MITF: variants seen among roughly 807,000 people sequenced by gnomAD.
MITF encodes melanocyte inducing transcription factor, also known as microphthalmia-associated transcription factor.
In MITF, 17 loss-of-function variants were observed where a neutral mutation model predicts 60.5. That is an observed-to-expected ratio of 0.28 (90% CI 0.19 to 0.42). MITF has a LOEUF of 0.42. Ranked by LOEUF, MITF falls within the 10% of genes least tolerant of loss-of-function variation. The pLI is 1.00. For missense variants in MITF, 622 were observed against 683.5 expected, an observed-to-expected ratio of 0.91 and a Z score of 1.00; for synonymous variants, 260 against 248.5, an observed-to-expected ratio of 1.05 and a Z score of -0.43.
intron 1 of MITF, among the ~76,000 whole-genome samples, chr3:69,780,945 A>G (rs2062553255): frequency 1.3e-5 from 2 of 152,190 alleles, no homozygotes; most frequent in South Asian, 4.1e-4. Flanking sequence ...GAGACAACCT[A>G]CCACTGAAAT....
At chr3:69,814,681 TGTA>T (rs1183749441) in intron 1 of MITF, among the ~76,000 whole-genome samples, 3 of 152,102 alleles carry the variant, frequency 2.0e-5, no homozygotes, top group African/African-American at 7.2e-5. Context: ...TGTCTGTGTG[TGTA>T]GTCTGAAATT....
At chr3:69,769,518 G>T (rs550608470) in intron 1 of MITF, 6 of 151,590 alleles carry the variant, frequency 4.0e-5, no homozygotes, top group African/African-American at 1.5e-4. Context: ...TGCCCAGGCT[G>T]GAGTACAGTG....
At chr3:69,801,390 C>T (rs1422345337) in intron 1 of MITF, among the ~76,000 whole-genome samples, 5 of 152,158 alleles carry the variant, frequency 3.3e-5, no homozygotes, top group African/African-American at 4.8e-5. Context: ...TCATTGTAAA[C>T]TGTGACAATG....
chr3:69,848,140 C>A (rs1201565752), intron 1 of MITF, among the ~76,000 whole-genome samples: 2 of 152,224 alleles, frequency 1.3e-5, no homozygotes, highest in African/African-American at 4.8e-5. Flanking sequence ...TTTATAACAG[C>A]AGTCTGTTGG....
Position 69,865,022 on chromosome 3 carries a change from A to G in MITF, c.105-14112A>G, listed in dbSNP as rs530584980. On this transcript the variant is annotated intron_variant, in intron 1 of 9. Transcript: ENST00000352241. ...TAATATGTGTTTCCCATTAGACTGTAAACTCCACGAATTTACACAATGCCT... is the reference window on the plus strand; with the variant it reads ...TAATATGTGTTTCCCATTAGACTGTGAACTCCACGAATTTACACAATGCCT... Among the ~76,000 whole-genome samples the G allele has an allele frequency of 2.8e-4, 43 of 152,286 alleles. 1 individual carries two copies. The South Asian group carries it at 8.3e-3, about 29-fold the overall frequency.
chr3:69,944,659 G>A (rs776998687), intron 5 of MITF, among the ~76,000 whole-genome samples: 7 of 152,026 alleles, frequency 4.6e-5, no homozygotes, highest in Non-Finnish European at 8.8e-5. Context: ...TACTCTTGAC[G>A]GAGTGATTCA....
chr3:69,815,739 A>G (rs1027331276), intron 1 of MITF, among the ~76,000 whole-genome samples: 1 of 152,166 alleles, frequency 6.6e-6, no homozygotes, highest in Non-Finnish European at 1.5e-5. Flanking sequence ...CCTAACCCCT[A>G]CATTGTTCAA....
In MITF at chr3:69,951,922, A is replaced by G. The variant is rs1298732176; in HGVS notation, c.955+36A>G. On this transcript the variant is annotated intron_variant, in intron 7 of 9. Transcript: ENST00000352241. ...TTTATTTATGTTCATGACATTTGAT[A>G]TTAATGTTCCCCATATATCAAAAAT... 2.8e-6 allele frequency: 4 copies of G among 1,450,308 alleles called. No individual in the cohort carries two copies. The South Asian group carries it at 4.6e-5, about 17-fold the overall frequency. The allele number at this position is 1,450,308 out of a possible 1,614,324, so 89.8% of individuals were successfully genotyped here. A position where few individuals can be genotyped will look rare whatever the true frequency, so the allele number is the denominator to read the frequency against.
At chr3:69,794,624 T>A (rs1311322772) in intron 1 of MITF, among the ~76,000 whole-genome samples, 1 of 152,192 alleles carries the variant, frequency 6.6e-6, no homozygotes, top group East Asian at 1.9e-4. Context: ...ATTAAAAAAA[T>A]AGCAGTGTCA....
intron 2 of MITF, among the ~76,000 whole-genome samples, chr3:69,919,477 A>G (rs1172146273): frequency 1.3e-5 from 2 of 152,216 alleles, no homozygotes; most frequent in Non-Finnish European, 2.9e-5. Flanking sequence ...CCATTGAAGC[A>G]TTAGGATTAA....
chr3:69,949,054 C>A lies in MITF; in HGVS notation c.766C>A (p.Pro256Thr), dbSNP rs980918814. Residue 256 changes from proline to threonine, a missense_variant, in exon 6 of 10, where the codon CCT becomes ACT. Physicochemically the swap from Pro to Thr is conservative, Grantham distance 38 (BLOSUM62 -1). Transcript: ENST00000352241. Reference protein sequence around the residue: ...DPALQMANTLPVSGNLIDLYG... With the variant: ...DPALQMANTLTVSGNLIDLYG... ...GTTACTGTTTGTCTCTCTCTAGTTG[C>A]CTGTCTCGGGAAACTTGATTGATCT... 1 of 1,611,834 alleles carries A rather than the reference C, an allele frequency of 6.2e-7. No individual in the cohort carries two copies.
chr3:69,741,447 G>C (rs1228863023), intron 1 of MITF, among the ~76,000 whole-genome samples: 1 of 152,112 alleles, frequency 6.6e-6, no homozygotes, highest in Non-Finnish European at 1.5e-5. Flanking sequence ...GAGAGAGCGA[G>C]GAAAATACCA....
intron 1 of MITF, among the ~76,000 whole-genome samples, chr3:69,824,247 T>G (rs1486065548): frequency 1.3e-5 from 2 of 152,210 alleles, no homozygotes; most frequent in Admixed American, 6.5e-5. Flanking sequence ...TCTGGCTGTT[T>G]CCAGACTTTA....
chr3:69,870,292 T>TTTA (rs2064202150), intron 1 of MITF, among the ~76,000 whole-genome samples: 5 of 149,024 alleles, frequency 3.4e-5, no homozygotes, highest in African/African-American at 7.4e-5. Flanking sequence ...GTGTGTGTGT[T>TTTA]TATATATATA....
chr3:69,872,848 G>A (rs1257709898), intron 1 of MITF, among the ~76,000 whole-genome samples: 1 of 152,158 alleles, frequency 6.6e-6, no homozygotes, highest in Admixed American at 6.5e-5. Flanking sequence ...TTAATTTTTA[G>A]AATGCTTTTC....
At chr3:69,948,835 T>C (rs564125920) in intron 5 of MITF, among the ~76,000 whole-genome samples, 2 of 152,320 alleles carry the variant, frequency 1.3e-5, no homozygotes, top group South Asian at 4.1e-4. Context: ...GACTGTACTT[T>C]CCTGCCTCAA....
intron 2 of MITF, among the ~76,000 whole-genome samples, chr3:69,912,412 T>C (rs1377717081): frequency 6.6e-6 from 1 of 152,046 alleles, no homozygotes; most frequent in Non-Finnish European, 1.5e-5. Context: ...TTTTAAAAGT[T>C]AACAAAAAAG....
chr3:69,769,377 A>G (rs2062356356), intron 1 of MITF: 1 of 152,140 alleles, frequency 6.6e-6, no homozygotes, highest in Non-Finnish European at 1.5e-5. Flanking sequence ...CCATCATTAT[A>G]TTGAGCTTTC....
intron 8 of MITF, among the ~76,000 whole-genome samples, chr3:69,958,630 GA>G (rs2066460300): frequency 6.6e-6 from 1 of 151,586 alleles, no homozygotes; most frequent in African/African-American, 2.4e-5. Flanking sequence ...TTAGTAGTGA[GA>G]TCTCACAGAT....
Sources: allele counts gnomAD v4.1 joint callset (sites outside exome capture counted in the v4.1 genomes callset), GRCh38; gene constraint gnomAD v4.1.1; transcripts MANE v1.5; gene names NCBI Gene and HGNC (gene_info 2026-07-23, HGNC 2026-07-21).